The following PCDHGB7 variants were observed in gnomAD, a reference collection of about 807,000 sequenced individuals.
The protein encoded by PCDHGB7 is protocadherin gamma-B7.
Under a neutral mutation model 61.4 loss-of-function variants are expected in PCDHGB7, and 37 were observed. The observed-to-expected ratio is 0.60, with a 90% CI of 0.46 to 0.79. The LOEUF (loss-of-function observed/expected upper bound fraction) is 0.79, where lower values mean the gene tolerates loss of function less well. PCDHGB7 is among the 30% of genes least tolerant of loss of function. The probability of loss-of-function intolerance (pLI) is 0.00; values close to 1 mark genes in which losing one functional copy is unlikely to be tolerated. For synonymous variants in PCDHGB7, 464 were observed against 503.5 expected (o/e 0.92, Z 1.05); for missense variants, 1,166 against 1,202.5 (o/e 0.97, Z 0.45).
intron 1 of PCDHGB7, chr5:141,426,979 A>G (rs762085745): frequency 4.2e-5 from 19 of 456,640 alleles, no homozygotes; most frequent in Non-Finnish European, 7.5e-5. Flanking sequence ...GAGGTCACTG[A>G]TGCCAACGAT....
intron 1 of PCDHGB7, among the ~76,000 whole-genome samples, chr5:141,474,142 T>G (rs2099344082): frequency 6.6e-6 from 1 of 152,212 alleles, no homozygotes; most frequent in African/African-American, 2.4e-5. Flanking sequence ...ACAGGCCTTA[T>G]TATCAAGAAA....
At chr5:141,444,531 CTG>C (rs2098439915) in intron 1 of PCDHGB7, among the ~76,000 whole-genome samples, 1 of 152,100 alleles carries the variant, frequency 6.6e-6, no homozygotes, top group Non-Finnish European at 1.5e-5. Context: ...GAGACAGTGA[CTG>C]TGTCTAGTGA....
chr5:141,436,659 G>A (rs771567212), intron 1 of PCDHGB7, among the ~76,000 whole-genome samples: 3 of 152,136 alleles, frequency 2.0e-5, no homozygotes, highest in Non-Finnish European at 2.9e-5. Flanking sequence ...GCCATTTTTA[G>A]TGGTTGACCA....
At chr5:141,472,980 C>CAAAAAAAA (rs60579131) in intron 1 of PCDHGB7, among the ~76,000 whole-genome samples, 7 of 86,098 alleles carry the variant, frequency 8.1e-5, no homozygotes, top group Admixed American at 1.2e-4. Context: ...GAGTGAAACT[C>CAAAAAAAA]AAAAAAAAAA....
At chr5:141,496,479 CAACCAACCA>C (rs1199646129) in intron 2 of PCDHGB7, among the ~76,000 whole-genome samples, 1 of 152,180 alleles carries the variant, frequency 6.6e-6, no homozygotes, top group Non-Finnish European at 1.5e-5. Context: ...CCCCATCCTG[CAACCAACCA>C]AACCCTTGTT....
intron 1 of PCDHGB7, chr5:141,427,761 G>A (rs1228905550): frequency 3.7e-6 from 5 of 1,366,246 alleles, no homozygotes; most frequent in Non-Finnish European, 4.1e-6. Flanking sequence ...CGTTACCACT[G>A]ACTTGGAGCT....
intron 1 of PCDHGB7, among the ~76,000 whole-genome samples, chr5:141,433,553 T>C (rs530467777): frequency 1.3e-5 from 2 of 151,614 alleles, no homozygotes; most frequent in African/African-American, 4.8e-5. Flanking sequence ...TATTCTTTTC[T>C]GGCTGGGCGC....
intron 1 of PCDHGB7, among the ~76,000 whole-genome samples, chr5:141,467,320 T>C (rs1593065881): frequency 6.6e-6 from 1 of 152,322 alleles, no homozygotes; most frequent in African/African-American, 2.4e-5. Flanking sequence ...CCCACAGTGC[T>C]GGGATTAGAG....
intron 1 of PCDHGB7, among the ~76,000 whole-genome samples, chr5:141,469,029 C>A (rs2099189188): frequency 6.6e-6 from 1 of 152,052 alleles, no homozygotes; most frequent in Non-Finnish European, 1.5e-5. Flanking sequence ...GTAATCCCAG[C>A]ACTTTGGGAG....
chr5:141,423,382 C>G, intron 1 of PCDHGB7: 1 of 1,614,118 alleles, frequency 6.2e-7, no homozygotes, highest in Non-Finnish European at 8.5e-7. Flanking sequence ...CAGGCTGTGG[C>G]GCTGGCATAA....
intron 1 of PCDHGB7, chr5:141,478,874 A>G: frequency 1.6e-6 from 2 of 1,276,696 alleles, no homozygotes; most frequent in Non-Finnish European, 2.1e-6. Flanking sequence ...ATCAGAGTTT[A>G]GCTTGGTATC....
intron 2 of PCDHGB7, among the ~76,000 whole-genome samples, chr5:141,505,113 G>A (rs1254889990): frequency 6.6e-6 from 1 of 152,178 alleles, no homozygotes; most frequent in East Asian, 1.9e-4. Context: ...AATGAGCCAA[G>A]ATCGCGCCAC....
In PCDHGB7 at chr5:141,477,982, G is replaced by A; in HGVS notation, c.2416-16825G>A. ...CTAACCAGAGCCTTTTTGCCATAGG[G>A]CTGCACACTGGTCAAATCAGTACTG... is the stretch of plus-strand genomic sequence containing the variant. On this transcript the variant is annotated intron_variant, in intron 1 of 3. Transcript: ENST00000398594. The surrounding 1 kb of genome is among the most constrained non-coding windows in gnomAD (Gnocchi z 4.9). 6.2e-7 allele frequency: 1 copy of A among 1,614,066 alleles called. No individual in the cohort carries two copies. Among genetic ancestry groups the A allele is most frequent in the Non-Finnish European group, 8.5e-7 (1 of 1,180,014 alleles).
At chr5:141,499,698 T>C (rs1312388510) in intron 2 of PCDHGB7, among the ~76,000 whole-genome samples, 2 of 149,810 alleles carry the variant, frequency 1.3e-5, no homozygotes, top group African/African-American at 2.5e-5. Context: ...ACTTTTTTTT[T>C]TTTTTTTTTT....
rs1281778338 is a variant in PCDHGB7, at chr5:141,512,281, G to A, written c.*1108G>A. ...TGGGTACTCCAGAGGTGCCACTGGTGGAAGGGTCAGCGGAGCCCCAGCAGG... is the reference window on the plus strand; with the variant it reads ...TGGGTACTCCAGAGGTGCCACTGGTAGAAGGGTCAGCGGAGCCCCAGCAGG... On this transcript the variant is annotated 3_prime_UTR_variant, in exon 4 of 4. Transcript: ENST00000398594. 6.5e-6 allele frequency: 1 copy of A among 152,810 alleles called. No homozygotes were observed. Among genetic ancestry groups the A allele is most frequent in the Non-Finnish European group, 1.5e-5 (1 of 68,178 alleles). The allele number at this position is 152,810 out of a possible 1,614,324, so 9.5% of individuals were successfully genotyped here.
rs1468315559 is a variant in PCDHGB7 at position 141,493,636 on chromosome 5, G to A, written c.2416-1171G>A. 1.3e-5 allele frequency among the ~76,000 whole-genome samples: 2 copies of A among 152,130 alleles called. No individual in the cohort carries two copies. Among genetic ancestry groups the A allele is most frequent in the Non-Finnish European group, 2.9e-5 (2 of 68,040 alleles). The stretch of plus-strand genomic sequence containing the variant: ...TGTGTCTAAGAATACAGTGGCTGAG[G>A]GCTGGCCATCCCTGTGCCCTTCTCC... On this transcript the variant is annotated intron_variant, in intron 1 of 3. Transcript: ENST00000398594. The surrounding 1 kb of genome is among the most constrained non-coding windows in gnomAD (Gnocchi z 4.3).
chr5:141,454,796 A>ATTTTTTTT (rs61612330), intron 1 of PCDHGB7, among the ~76,000 whole-genome samples: 1,488 of 77,444 alleles, frequency 0.019, 251 homozygotes, highest in African/African-American at 0.042. Flanking sequence ...CATGGTTCTA[A>ATTTTTTTT]TTTTTTTTTT....
rs1200050684 is a variant in PCDHGB7 at position 141,418,914 on chromosome 5, T to C, written c.1055T>C (p.Leu352Pro). 2.5e-6 allele frequency: 4 copies of C among 1,613,964 alleles called. No homozygotes were observed. The highest frequency in any genetic ancestry group is 2.2e-5 in the East Asian group (1 of 44,882). Reference protein sequence around the residue: ...DNSPEIIITSLSDQIMEDSPP... With the variant: ...DNSPEIIITSPSDQIMEDSPP... ...AGCCCAGAAATAATCATCACGTCAC[T>C]CTCTGATCAGATTATGGAGGATTCC... Residue 352 changes from leucine (L) to proline (P), a missense_variant, in exon 1 of 4, where the codon CTC (leucine) becomes CCC (proline). By Grantham distance (98) the Leu-to-Pro change is moderately conservative. Transcript: ENST00000398594.
Position 141,418,478 on chromosome 5 carries a change from G to A in PCDHGB7, c.619G>A (p.Ala207Thr), listed in dbSNP as rs777772131. Residue 207 changes from alanine (A) to threonine (T), a missense_variant, in exon 1 of 4, where the codon GCT becomes ACT. Ala to Thr is a moderately conservative substitution (Grantham distance 58). Transcript: ENST00000398594. ...GACTCTGGACCGAGAAACGCAGAGCGCTCACCACTTGGTACTGACCGCCTT... is the reference window on the plus strand; with the variant it reads ...GACTCTGGACCGAGAAACGCAGAGCACTCACCACTTGGTACTGACCGCCTT... ...QKTLDRETQS[A>T]HHLVLTALDG... 1.2e-6 allele frequency: 2 copies of A among 1,613,858 alleles called. No individual in the cohort carries two copies. Among genetic ancestry groups the A allele is most frequent in the Non-Finnish European group, 1.7e-6 (2 of 1,179,908 alleles).
Sources: allele counts gnomAD v4.1 joint callset (sites outside exome capture counted in the v4.1 genomes callset), GRCh38; gene constraint gnomAD v4.1.1; non-coding constraint Gnocchi (gnomAD v3.1); transcripts MANE v1.5; gene names NCBI Gene and HGNC (gene_info 2026-07-23, HGNC 2026-07-21).